XPC: variants seen among roughly 807,000 people sequenced by gnomAD.
The protein encoded by XPC is DNA repair protein complementing XP-C cells.
XPC carries 76 observed loss-of-function variants against 95.8 expected under a neutral mutation model. The observed-to-expected ratio is 0.79, with a 90% CI of 0.66 to 0.96. XPC has a LOEUF of 0.96. Among genes scored for constraint, XPC ranks in the 40% least tolerant of loss-of-function variants. XPC has a pLI of 0.00. For synonymous variants in XPC, 442 were observed against 442.1 expected (o/e 1.00, Z 0.00); for missense variants, 1,146 against 1,179.8 (o/e 0.97, Z 0.42).
chr3:14,148,895 C>G lies in XPC; in HGVS notation c.2169G>C (p.Gln723His). 2 of 1,614,022 alleles carry G rather than the reference C, an allele frequency of 1.2e-6. No homozygotes were observed. Among genetic ancestry groups the G allele is most frequent in the Non-Finnish European group, 1.7e-6 (2 of 1,179,892 alleles). ...RARKARLAEP[Q>H]LREENDLGLF... ...GGCCCAGGTCATTTTCTTCCCGCAGCTGGGGCTCAGCAAGTCGGGCTTTCC... is the reference window on the plus strand; with the variant it reads ...GGCCCAGGTCATTTTCTTCCCGCAGGTGGGGCTCAGCAAGTCGGGCTTTCC... The change falls in exon 12 of 16, where the codon CAG becomes CAC. Residue 723 changes from glutamine (Q) to histidine (H), a missense_variant. Coordinates refer to ENST00000285021, the MANE Select transcript of XPC (RefSeq NM_004628.5).
rs2125008326 is a variant in XPC, at chr3:14,147,959, G to A, written c.2463C>T (p.Leu821=). Residue 821 remains leucine, a synonymous_variant, in exon 14 of 16, where the codon CTC becomes CTT. Coordinates refer to ENST00000285021, the MANE Select transcript of XPC (RefSeq NM_004628.5). ...CCTGCTCATTTTCCCAGGCAGTCAGGAGCACGTCTTTGAATTCCTCGCAGA... is the reference window on the plus strand; with the variant it reads ...CCTGCTCATTTTCCCAGGCAGTCAGAAGCACGTCTTTGAATTCCTCGCAGA... The part of the protein sequence containing the change: ...YIVCEEFKDV[L]LTAWENEQAV... 1 of 1,602,772 alleles carries A rather than the reference G, an allele frequency of 6.2e-7. No homozygotes were observed. Among genetic ancestry groups the A allele is most frequent in the Non-Finnish European group, 8.5e-7 (1 of 1,174,318 alleles).
rs74737358 is a variant in XPC at position 14,158,882 on chromosome 3, G to T, written c.1001C>A (p.Pro334His). 2,694 of 1,613,868 alleles carry T rather than the reference G, an allele frequency of 1.7e-3. 34 individuals carry two copies. In the African/African-American group the frequency reaches 0.024, roughly 15 times the overall value. The change falls in exon 9 of 16, where the codon CCT (proline) becomes CAT (histidine). Residue 334 changes from proline to histidine, a missense_variant. Coordinates refer to ENST00000285021, the MANE Select transcript of XPC (RefSeq NM_004628.5). This position sits in a 1 kb window ranked among gnomAD's most constrained non-coding sequence, Gnocchi z 5.2. ...LKSATAKGKK[P>H]SKERLTADPG... ...ATCCGCAGTCAATCTTTCCTTGGAAGGTTTCTTTCCCTTAAACAGAATAAG... is the reference window on the plus strand; with the variant it reads ...ATCCGCAGTCAATCTTTCCTTGGAATGTTTCTTTCCCTTAAACAGAATAAG...
At chr3:14,147,577 GATA>G in intron 14 of XPC, 198 bp from the exon 15 acceptor site, 1 of 629,438 alleles carries the variant, frequency 1.6e-6, no homozygotes, top group Non-Finnish European at 2.7e-6. Context: ...CACAAAAACA[GATA>G]ACTTTTTAAT....
At chr3:14,147,680 G>A in intron 14 of XPC, 1 of 597,618 alleles carries the variant, frequency 1.7e-6, no homozygotes, top group Middle Eastern at 4.4e-4. Flanking sequence ...GGCAGCAGGG[G>A]CAGTAGACCC....
At chr3:14,152,214 T>C (rs1430760276) in intron 11 of XPC, 121 bp downstream of exon 11, 5 of 769,332 alleles carry the variant, frequency 6.5e-6, no homozygotes, top group Admixed American at 3.1e-5. Context: ...AAGTGAGACA[T>C]TTCTGATCAG....
At position 14,158,311 on chromosome 3, in the gene XPC, GCTT is replaced by G. The variant is rs1255483523; in HGVS notation, c.1569_1571del (p.Arg523del). 5 of 1,613,984 alleles carry G rather than the reference GCTT, an allele frequency of 3.1e-6. No individual in the cohort carries two copies. Among genetic ancestry groups the G allele is most frequent in the Non-Finnish European group, 3.4e-6 (4 of 1,179,884 alleles). ...CTAGCCACTGGTCTATACCAGCTAT[GCTT>G]CTTTTTTCTGCCTTCTCACCATCGC... is the stretch of plus-strand genomic sequence containing the variant. On this transcript the variant is annotated inframe_deletion, in exon 9 of 16. Coordinates refer to ENST00000285021, the MANE Select transcript of XPC (RefSeq NM_004628.5). This position sits in a 1 kb window ranked among gnomAD's most constrained non-coding sequence, Gnocchi z 5.2.
At chr3:14,160,051 A>T (rs1349075758) in intron 7 of XPC, among the ~76,000 whole-genome samples, 1 of 152,188 alleles carries the variant, frequency 6.6e-6, no homozygotes, top group East Asian at 1.9e-4. Flanking sequence ...ATTAAAGGAA[A>T]ATAGAAGTTT....
chr3:14,168,271 C>T lies in XPC; in HGVS notation c.522G>A (p.Lys174=). The T allele has an allele frequency of 6.2e-7, 1 of 1,612,356 alleles. No individual in the cohort carries two copies. The highest frequency in any genetic ancestry group is 2.2e-5 in the East Asian group (1 of 44,846). The change falls in exon 4 of 16, where the codon AAG becomes AAA. Residue 174 remains lysine, a synonymous_variant. Coordinates refer to ENST00000285021, the MANE Select transcript of XPC (RefSeq NM_004628.5). Reference sequence around the variant, plus strand: ...CCTAAGCTTACCTTCTTTCTCTTGTCTTCGCCTGCTCTGGCGTTTCAATCT... The same window carrying T: ...CCTAAGCTTACCTTCTTTCTCTTGTTTTCGCCTGCTCTGGCGTTTCAATCT... The part of the protein sequence containing the change: ...EIEIETPEQA[K]TRERSEKIKL...
intron 1 of XPC, 28 bp downstream of exon 1, chr3:14,178,438 C>G: frequency 6.3e-7 from 1 of 1,580,610 alleles, no homozygotes; most frequent in Non-Finnish European, 8.6e-7. Flanking sequence ...CGGCGTCTCC[C>G]GCGAAGCCCG....
chr3:14,174,761 T>C (rs1696747176), intron 1 of XPC, among the ~76,000 whole-genome samples: 1 of 151,966 alleles, frequency 6.6e-6, no homozygotes, highest in African/African-American at 2.4e-5. Context: ...TACAGTATGC[T>C]TTCTGCTATA....
chr3:14,147,182 G>A, intron 15 of XPC, 108 bp downstream of exon 15: 1 of 1,173,182 alleles, frequency 8.5e-7, no homozygotes, highest in Non-Finnish European at 1.2e-6. Flanking sequence ...CTAACACAAA[G>A]CTATCCCTGA....
rs1205883331 is a variant in XPC, at chr3:14,145,541, A to C, written c.*400T>G. ...ACAGATGAAGACTCTAACTGGAAGA[A>C]ACGATCAGCGCATTCACGGATGCAC... On this transcript the variant is annotated 3_prime_UTR_variant, in exon 16 of 16. Transcript: ENST00000285021. 4 of 698,162 alleles carry C rather than the reference A, an allele frequency of 5.7e-6. No homozygotes were observed. In the South Asian group the frequency reaches 6.1e-5, roughly 11 times the overall value. 43.2% of individuals were successfully genotyped at this position (698,162 alleles called of 1,614,324 possible). A position where few individuals can be genotyped will look rare whatever the true frequency, so the allele number is the denominator to read the frequency against.
intron 5 of XPC, among the ~76,000 whole-genome samples, chr3:14,166,528 A>C (rs1696386316): frequency 1.4e-5 from 2 of 144,792 alleles, no homozygotes; most frequent in Admixed American, 6.8e-5. Flanking sequence ...CCACCCCCCA[A>C]CACCTACATA....
chr3:14,168,715 T>TA (rs1696492318), intron 3 of XPC, among the ~76,000 whole-genome samples: 1 of 151,560 alleles, frequency 6.6e-6, no homozygotes. Context: ...TTAAAACTCT[T>TA]TAAAAAAAAA....
intron 1 of XPC, among the ~76,000 whole-genome samples, chr3:14,177,344 T>G (rs941339604): frequency 2.0e-5 from 3 of 152,302 alleles, no homozygotes; most frequent in Middle Eastern, 6.8e-3. Context: ...ATAAGGTACT[T>G]GAGCATCACA....
Position 14,152,407 on chromosome 3 carries a change from C to T in XPC, c.2043G>A (p.Val681=), listed in dbSNP as rs756438962. Residue 681 remains valine (V), a synonymous_variant, in exon 11 of 16, where the codon GTG becomes GTA. Transcript: ENST00000285021. ...RGEAVYSRDC[V]HTLHSRDTWL... ...ACGTGTCCCTGGAATGCAGAGTGTG[C>T]ACACAATCCCTGTGGAACCAACACA... The T allele has an allele frequency of 5.0e-6, 8 of 1,611,382 alleles. No individual in the cohort carries two copies. In the East Asian group the frequency reaches 1.8e-4, roughly 36 times the overall value.
At chr3:14,152,716 T>G (rs1695744524) in intron 10 of XPC, 1 of 312,260 alleles carries the variant, frequency 3.2e-6, no homozygotes, top group Non-Finnish European at 5.9e-6. Context: ...CTGTGAGAGC[T>G]CCAGCTGCAG....
At chr3:14,147,572 A>C in intron 14 of XPC, 193 bp from the exon 15 acceptor site, 1 of 634,194 alleles carries the variant, frequency 1.6e-6, no homozygotes, top group Non-Finnish European at 2.7e-6. Context: ...AAAGCCACAA[A>C]AACAGATAAC....
chr3:14,169,975 T>G lies in XPC; in HGVS notation c.412+463A>C, dbSNP rs3731084. Among the ~76,000 whole-genome samples the G allele has an allele frequency of 3.5e-4, 54 of 152,354 alleles. 2 individuals carry two copies. The Middle Eastern group carries it at 0.01, about 29-fold the overall frequency. The stretch of plus-strand genomic sequence containing the variant: ...AGGCCCATTACATTTGCAAACTTTC[T>G]TTTCCCCACAATAATCCTACAGCCT... On this transcript the variant is annotated intron_variant, in intron 3 of 15. Coordinates refer to ENST00000285021, the MANE Select transcript of XPC (RefSeq NM_004628.5).
Sources: gnomAD v4.1 joint callset for allele counts (sites outside exome capture counted in the v4.1 genomes callset) on GRCh38, gnomAD v4.1.1 for gene constraint, Gnocchi (gnomAD v3.1) non-coding constraint, MANE v1.5 for transcripts, NCBI Gene and HGNC (gene_info 2026-07-23, HGNC 2026-07-21) for gene names.